Variants in OPA1 observed in about 807,000 individuals in gnomAD.
OPA1 encodes the protein dynamin-like GTPase OPA1, mitochondrial.
OPA1 carries 59 observed loss-of-function variants against 152.9 expected under a neutral mutation model. The observed-to-expected ratio is 0.39, with a 90% confidence interval of 0.31 to 0.48. The LOEUF (loss-of-function observed/expected upper bound fraction) is 0.48, where lower values mean the gene tolerates loss of function less well. Ranked by LOEUF, OPA1 falls within the 20% of genes least tolerant of loss-of-function variation. The pLI is 0.96. For synonymous variants in OPA1, 400 were observed against 389.9 expected (o/e 1.03, Z -0.31); for missense variants, 1,008 against 1,216.8 (o/e 0.83, Z 2.55).
chr3:193,689,702 G>A (rs1274187983), intron 29 of OPA1, among the ~76,000 whole-genome samples: 1 of 152,158 alleles, frequency 6.6e-6, no homozygotes, highest in Non-Finnish European at 1.5e-5. Flanking sequence ...GGGGTCACCA[G>A]TAGGCCAAAA....
intron 29 of OPA1, among the ~76,000 whole-genome samples, chr3:193,673,220 A>G (rs1417265900): frequency 1.3e-5 from 2 of 152,330 alleles, no homozygotes; most frequent in Middle Eastern, 3.4e-3. Flanking sequence ...ATATGATGAC[A>G]TAAAATTGTC....
At chr3:193,672,150 A>G (rs1718070795) in intron 29 of OPA1, among the ~76,000 whole-genome samples, 1 of 152,228 alleles carries the variant, frequency 6.6e-6, no homozygotes, top group Non-Finnish European at 1.5e-5. Flanking sequence ...GTATAACTTT[A>G]GAATACTTTC....
chr3:193,655,067 C>A (rs1713455335), intron 22 of OPA1, 40 bp downstream of exon 22: 6 of 1,576,424 alleles, frequency 3.8e-6, no homozygotes, highest in Non-Finnish European at 5.2e-6. Flanking sequence ...GAAGCATTAT[C>A]TGAAGGGAGT....
intron 29 of OPA1, among the ~76,000 whole-genome samples, chr3:193,686,732 G>A (rs1254429054): frequency 1.3e-5 from 2 of 152,100 alleles, no homozygotes; most frequent in Non-Finnish European, 2.9e-5. Flanking sequence ...ATAATAAGAA[G>A]CGTTCCTTTA....
intron 1 of OPA1, among the ~76,000 whole-genome samples, chr3:193,612,648 G>T (rs763787124): frequency 1.3e-5 from 2 of 152,074 alleles, no homozygotes; most frequent in Non-Finnish European, 2.9e-5. Flanking sequence ...TCTTTAGTGA[G>T]GTTAACCCAT....
At chr3:193,650,346 GA>G (rs1712095255) in intron 21 of OPA1, among the ~76,000 whole-genome samples, 1 of 152,098 alleles carries the variant, frequency 6.6e-6, no homozygotes, top group Non-Finnish European at 1.5e-5. Context: ...TGTAGAGGCT[GA>G]AAAAATGTTA....
chr3:193,671,465 A>C (rs990422424), intron 29 of OPA1, among the ~76,000 whole-genome samples: 3 of 152,154 alleles, frequency 2.0e-5, no homozygotes, highest in Non-Finnish European at 4.4e-5. Flanking sequence ...AAGAGACTTA[A>C]AACTAAATGC....
intron 26 of OPA1, among the ~76,000 whole-genome samples, chr3:193,663,802 A>G (rs570118283): frequency 7.2e-5 from 11 of 152,260 alleles, no homozygotes; most frequent in Admixed American, 2.0e-4. Context: ...TAAAATTGGT[A>G]AAACTCAAAG....
intron 1 of OPA1, among the ~76,000 whole-genome samples, chr3:193,595,925 A>G (rs1368267713): frequency 6.6e-6 from 1 of 152,222 alleles, no homozygotes; most frequent in Non-Finnish European, 1.5e-5. Context: ...GGAAAAGCAT[A>G]CATATACCCT....
intron 7 of OPA1, chr3:193,627,476 G>A (rs1357682634): frequency 6.6e-6 from 1 of 152,162 alleles, no homozygotes; most frequent in Admixed American, 6.5e-5. Flanking sequence ...TAATAAATTG[G>A]ATGCTTAGGC....
intron 26 of OPA1, 69 bp from the exon 27 acceptor site, chr3:193,664,811 A>C: frequency 1.2e-6 from 1 of 862,196 alleles, no homozygotes; most frequent in Admixed American, 2.0e-5. Flanking sequence ...TTTTTGTACA[A>C]CTTCTCAGTG....
chr3:193,688,263 C>T (rs1047674364), intron 29 of OPA1, among the ~76,000 whole-genome samples: 1 of 151,938 alleles, frequency 6.6e-6, no homozygotes, highest in Non-Finnish European at 1.5e-5. Flanking sequence ...TTTTTGGGCC[C>T]ATTTTGTACT....
intron 22 of OPA1, 28 bp from the exon 23 acceptor site, chr3:193,657,052 T>G: frequency 2.5e-6 from 4 of 1,594,338 alleles, no homozygotes; most frequent in Non-Finnish European, 3.4e-6. Flanking sequence ...AGTAATAATA[T>G]GGCTTTTTTT....
At chr3:193,665,115 TATGTGTAATTTATAAAGAATA>T in intron 27 of OPA1, 119 bp downstream of exon 27, 1 of 661,434 alleles carries the variant, frequency 1.5e-6, no homozygotes, top group Admixed American at 2.5e-5. Context: ...GGAAAAAAAG[TATGTGTAATTTATAAAGAATA>T]ATCTAACTCT....
chr3:193,634,572 G>A (rs1428968167), intron 8 of OPA1, among the ~76,000 whole-genome samples: 2 of 151,838 alleles, frequency 1.3e-5, no homozygotes, highest in Non-Finnish European at 2.9e-5. Flanking sequence ...TGCCCGCCAC[G>A]ACGCCTGGCT....
chr3:193,626,419 T>G (rs1270936574), intron 7 of OPA1, among the ~76,000 whole-genome samples: 1 of 152,190 alleles, frequency 6.6e-6, no homozygotes, highest in Non-Finnish European at 1.5e-5. Context: ...GAATTTTGGT[T>G]TCTGAAAATT....
chr3:193,649,010 G>T (rs1711743372), intron 21 of OPA1, 139 bp downstream of exon 21: 3 of 613,468 alleles, frequency 4.9e-6, no homozygotes, highest in Non-Finnish European at 8.9e-6. Context: ...TATTTTTTTG[G>T]CAATATCTAA....
chr3:193,644,197 C>T, intron 16 of OPA1, 92 bp downstream of exon 16: 1 of 1,364,182 alleles, frequency 7.3e-7, no homozygotes, highest in Non-Finnish European at 1.0e-6. Context: ...ACAACAACAA[C>T]AAAAAAACAC....
intron 29 of OPA1, among the ~76,000 whole-genome samples, chr3:193,672,943 T>G (rs1384835244): frequency 6.6e-6 from 1 of 152,188 alleles, no homozygotes; most frequent in Admixed American, 6.5e-5. Flanking sequence ...TCCTTTTGAT[T>G]TTGTGTAAAA....
Sources: gnomAD v4.1 joint callset for allele counts (sites outside exome capture counted in the v4.1 genomes callset) on GRCh38, gnomAD v4.1.1 for gene constraint, MANE v1.5 for transcripts, NCBI Gene and HGNC (gene_info 2026-07-23, HGNC 2026-07-21) for gene names.